Variants in CDA observed in about 807,000 individuals in gnomAD.
CDA encodes cytidine deaminase.
CDA carries 7 observed loss-of-function variants against 15.0 expected under a neutral mutation model. The ratio of observed to expected loss-of-function variants is 0.47; its 90% CI spans 0.26 to 0.87. The LOEUF (loss-of-function observed/expected upper bound fraction) is 0.87. Ranked by LOEUF, CDA falls within the 40% of genes least tolerant of loss-of-function variation. The probability of loss-of-function intolerance (pLI) is 0.15; values close to 1 mark genes in which losing one functional copy is unlikely to be tolerated. For missense variants in CDA, 159 were observed against 182.7 expected, an observed-to-expected ratio of 0.87 and a Z score of 0.75; for synonymous variants, 58 against 73.0, an observed-to-expected ratio of 0.79 and a Z score of 1.05.
At chr1:20,596,258 G>C (rs1310984657) in intron 1 of CDA, among the ~76,000 whole-genome samples, 1 of 152,188 alleles carries the variant, frequency 6.6e-6, no homozygotes, top group Non-Finnish European at 1.5e-5. Flanking sequence ...GCAGTGGGAG[G>C]AGGTTAGGAA....
intron 2 of CDA, among the ~76,000 whole-genome samples, chr1:20,612,395 C>T (rs2052759694): frequency 6.6e-6 from 1 of 150,978 alleles, no homozygotes; most frequent in Admixed American, 6.7e-5. Context: ...GACATTCCAC[C>T]ATTGTGATTT....
At position 20,589,136 on chromosome 1, in the gene CDA, C is replaced by T; in HGVS notation, c.7C>T (p.Gln3Ter). 1 of 1,614,122 alleles carries T rather than the reference C, an allele frequency of 6.2e-7. No individual in the cohort carries two copies. The highest frequency in any genetic ancestry group is 8.5e-7 in the Non-Finnish European group (1 of 1,180,028). MA[Q>*]KRPACTLKPE... is the part of the protein sequence containing the mutation. ...GCCTGCCCGGGGTACCAACATGGCC[C>T]AGAAGCGTCCTGCCTGCACCCTGAA... Residue 3 changes from glutamine (Q) to a stop codon, truncating the protein, a stop_gained, in exon 1 of 4, where the codon CAG becomes TAG. Coordinates refer to ENST00000375071, the MANE Select transcript of CDA (RefSeq NM_001785.3). LOFTEE classifies it high-confidence loss of function.
intron 1 of CDA, among the ~76,000 whole-genome samples, chr1:20,591,655 G>T (rs2052549550): frequency 6.6e-6 from 1 of 152,122 alleles, no homozygotes; most frequent in East Asian, 1.9e-4. Context: ...TGGCCCATTT[G>T]CATTGCAGGG....
chr1:20,589,187 GT>G lies in CDA; in HGVS notation c.61del (p.Cys21AlafsTer35). The G allele has an allele frequency of 6.2e-7, 1 of 1,614,150 alleles. No homozygotes were observed. The highest frequency in any genetic ancestry group is 8.5e-7 in the Non-Finnish European group (1 of 1,180,002). On this transcript the variant is annotated frameshift_variant, in exon 1 of 4. Transcript: ENST00000375071. LOFTEE classifies it high-confidence loss of function. ...GCCTGAGTGTGTCCAGCAGCTGCTG[GT>G]TTGCTCCCAGGAGGCCAAGAAGTCA... Reference protein sequence around the residue: ...LKPECVQQLLVCSQEAKKSAY... With the variant: ...LKPECVQQLLXCSQEAKKSAY...
At chr1:20,591,585 T>A (rs545453031) in intron 1 of CDA, among the ~76,000 whole-genome samples, 3 of 152,270 alleles carry the variant, frequency 2.0e-5, no homozygotes, top group East Asian at 3.9e-4. Context: ...GCATAGGTGA[T>A]GACTGAAGGC....
chr1:20,618,058 C>T (rs1042002224), intron 3 of CDA, among the ~76,000 whole-genome samples: 4 of 151,788 alleles, frequency 2.6e-5, no homozygotes, highest in Admixed American at 6.6e-5. Context: ...AGCTTGAGAA[C>T]AGACTAATAC....
chr1:20,592,828 C>G (rs1277512161), intron 1 of CDA, among the ~76,000 whole-genome samples: 1 of 152,222 alleles, frequency 6.6e-6, no homozygotes, highest in Non-Finnish European at 1.5e-5. Flanking sequence ...TGCGGTGGCT[C>G]ATGCCAGTAA....
Position 20,599,671 on chromosome 1 carries a change from A to ATATAAAATAAAATAAAG in CDA, c.155-5257_155-5256insTATAAAATAAAATAAAG, listed in dbSNP as rs2052624347. ...ATAAAACAAAATAAAATAAAATAAA[A>ATATAAAATAAAATAAAG]ATAAAGGATTTCAAAGTGCCTGAAG... On this transcript the variant is annotated intron_variant, in intron 1 of 3. Coordinates refer to ENST00000375071, the MANE Select transcript of CDA (RefSeq NM_001785.3). 6.0e-5 allele frequency among the ~76,000 whole-genome samples: 9 copies of ATATAAAATAAAATAAAG among 149,078 alleles called. 1 individual carries two copies. Among genetic ancestry groups the ATATAAAATAAAATAAAG allele is most frequent in the African/African-American group, 2.1e-4 (8 of 38,656 alleles).
intron 2 of CDA, among the ~76,000 whole-genome samples, chr1:20,606,875 T>C (rs1284133049): frequency 6.6e-6 from 1 of 152,220 alleles, no homozygotes; most frequent in Non-Finnish European, 1.5e-5. Context: ...CTGGACTCCA[T>C]TATTGAATGA....
intron 2 of CDA, 50 bp from the exon 3 acceptor site, chr1:20,613,792 C>T (rs528299553): frequency 6.5e-7 from 1 of 1,547,704 alleles, no homozygotes; most frequent in East Asian, 2.2e-5. Context: ...TAGCAATTGT[C>T]CTCAGTCCTT....
intron 1 of CDA, among the ~76,000 whole-genome samples, chr1:20,601,591 A>T (rs74867387): frequency 6.6e-5 from 10 of 152,180 alleles, no homozygotes; most frequent in Admixed American, 6.5e-4. Context: ...CCTCACCCTG[A>T]CAAGGGACCT....
At chr1:20,603,814 T>G (rs1205948789) in intron 1 of CDA, among the ~76,000 whole-genome samples, 1 of 152,242 alleles carries the variant, frequency 6.6e-6, no homozygotes, top group East Asian at 1.9e-4. Flanking sequence ...GTAGACTCAC[T>G]TCCCTGAATA....
chr1:20,600,724 A>AACC (rs1209749861), intron 1 of CDA, among the ~76,000 whole-genome samples: 2 of 147,102 alleles, frequency 1.4e-5, no homozygotes, highest in Non-Finnish European at 3.0e-5. Flanking sequence ...ACTACACTCC[A>AACC]ACCTGCATGA....
At chr1:20,596,345 C>T (rs2052591599) in intron 1 of CDA, among the ~76,000 whole-genome samples, 1 of 152,126 alleles carries the variant, frequency 6.6e-6, no homozygotes, top group African/African-American at 2.4e-5. Flanking sequence ...GGTCCCAGAA[C>T]TGCAGCCTCA....
chr1:20,612,637 G>T (rs2052762732), intron 2 of CDA, among the ~76,000 whole-genome samples: 4 of 152,084 alleles, frequency 2.6e-5, no homozygotes, highest in Admixed American at 2.6e-4. Context: ...CCTGCACCCA[G>T]GTGACTAAAA....
chr1:20,614,356 C>T lies in CDA; in HGVS notation c.324+457C>T, dbSNP rs1197259070. ...GACACTGCAGATTGGGGTCAGCAAA[C>T]AACAGCCCTTGGGCCAAATCCAGCC... On this transcript the variant is annotated intron_variant, in intron 3 of 3. Transcript: ENST00000375071. 5.9e-5 allele frequency among the ~76,000 whole-genome samples: 9 copies of T among 152,056 alleles called. No individual in the cohort carries two copies. The East Asian group carries it at 1.5e-3, about 26-fold the overall frequency.
intron 3 of CDA, among the ~76,000 whole-genome samples, chr1:20,615,435 C>G (rs1179195986): frequency 1.5e-5 from 2 of 137,700 alleles, no homozygotes; most frequent in Admixed American, 7.8e-5. Context: ...GAGTTCGAGA[C>G]CTGCCTGGGC....
At position 20,618,463 on chromosome 1, in the gene CDA, C is replaced by G. The variant is rs967413477; in HGVS notation, c.336C>G (p.Asn112Lys). The part of the protein sequence containing the change: ...CRQVMREFGT[N>K]WPVYMTKPDG... ...TGCCTCTTTTCCAGTTTGGCACCAACTGGCCCGTGTACATGACCAAGCCGG... is the reference window on the plus strand; with the variant it reads ...TGCCTCTTTTCCAGTTTGGCACCAAGTGGCCCGTGTACATGACCAAGCCGG... The change falls in exon 4 of 4, where the codon AAC becomes AAG. Residue 112 changes from asparagine to lysine, a missense_variant. Physicochemically the swap from Asn to Lys is moderately conservative, Grantham distance 94 (BLOSUM62 0). Coordinates refer to ENST00000375071, the MANE Select transcript of CDA (RefSeq NM_001785.3). 12 of 1,610,026 alleles carry G rather than the reference C, an allele frequency of 7.5e-6. No homozygotes were observed. The highest frequency in any genetic ancestry group is 1.0e-5 in the Non-Finnish European group (12 of 1,176,916).
intron 2 of CDA, among the ~76,000 whole-genome samples, chr1:20,612,488 A>C (rs1570386330): frequency 7.2e-6 from 1 of 139,518 alleles, no homozygotes; most frequent in Non-Finnish European, 1.6e-5. Flanking sequence ...CGGTCTCCCC[A>C]CCCTGCACCG....
Sources: gnomAD v4.1 joint callset for allele counts (sites outside exome capture counted in the v4.1 genomes callset) on GRCh38, gnomAD v4.1.1 for gene constraint, MANE v1.5 for transcripts, NCBI Gene and HGNC (gene_info 2026-07-23, HGNC 2026-07-21) for gene names.